The following KCNMA1 variants were observed in gnomAD, a reference collection of about 807,000 sequenced individuals.
KCNMA1 encodes Calcium-activated potassium channel subunit alpha-1.
Under a neutral mutation model 140.0 loss-of-function variants are expected in KCNMA1, and 29 were observed. That is an observed-to-expected ratio of 0.21 (90% CI 0.15 to 0.28). KCNMA1 has a LOEUF of 0.28. Among genes scored for constraint, KCNMA1 ranks in the 10% least tolerant of loss-of-function variants. The probability of loss-of-function intolerance (pLI) is 1.00; values close to 1 mark genes in which losing one functional copy is unlikely to be tolerated. For missense variants in KCNMA1, 880 were observed against 1,602.2 expected (o/e 0.55, Z 7.70); for synonymous variants, 612 against 611.9 (o/e 1.00, Z 0.00).
chr10:77,208,595 G>T (rs1455467772), intron 3 of KCNMA1, among the ~76,000 whole-genome samples: 1 of 152,166 alleles, frequency 6.6e-6, no homozygotes, highest in African/African-American at 2.4e-5. Context: ...TAAACCAAAG[G>T]AGAGATGAAT....
intron 1 of KCNMA1, among the ~76,000 whole-genome samples, chr10:77,473,787 G>A: frequency 6.6e-6 from 1 of 152,128 alleles, no homozygotes; most frequent in East Asian, 1.9e-4. Context: ...GCTCTCTTCT[G>A]GGCCTAAAAA....
intron 15 of KCNMA1, among the ~76,000 whole-genome samples, chr10:77,038,366 T>C (rs11001982): frequency 0.023 from 3,451 of 152,262 alleles, 61 homozygotes; most frequent in South Asian, 0.053. Flanking sequence ...AAATGGCTTT[T>C]CTTCCTCAGC....
rs542195417 is a variant in KCNMA1 at position 77,587,783 on chromosome 10, C to G, written c.378+49482G>C. ...TTATTGATCAACAAGCAAACACTTACTGAGCGCCTATCAGATGCAGGGCCC... is the reference window on the plus strand; with the variant it reads ...TTATTGATCAACAAGCAAACACTTAGTGAGCGCCTATCAGATGCAGGGCCC... On this transcript the variant is annotated intron_variant, in intron 1 of 27. Coordinates refer to ENST00000286628, the MANE Select transcript of KCNMA1 (RefSeq NM_001161352.2). The G allele has an allele frequency of 1.0e-5, 10 of 985,380 alleles. No individual in the cohort carries two copies. In the African/African-American group the frequency reaches 1.6e-4, roughly 15 times the overall value. The allele number at this position is 985,380 out of a possible 1,614,324, so 61.0% of individuals were successfully genotyped here.
chr10:77,418,595 C>T (rs1395485435), intron 1 of KCNMA1, among the ~76,000 whole-genome samples: 1 of 152,146 alleles, frequency 6.6e-6, no homozygotes. Context: ...ATCTCCAGAC[C>T]TCAGTGAGGA....
At position 77,108,183 on chromosome 10, in the gene KCNMA1, A is replaced by G; in HGVS notation, c.1223+298T>C. The G allele has an allele frequency of 1.1e-6, 1 of 948,876 alleles. No homozygotes were observed. The highest frequency in any genetic ancestry group is 1.5e-6 in the Non-Finnish European group (1 of 656,982). 58.8% of individuals were successfully genotyped at this position (948,876 alleles called of 1,614,324 possible). On this transcript the variant is annotated intron_variant, in intron 9 of 27. Transcript: ENST00000286628. This position sits in a 1 kb window ranked among gnomAD's most constrained non-coding sequence, Gnocchi z 4.6. ...ATGCAGAAACTGGGCCTTCCCTCAC[A>G]GAAGCACCCGGTGGGGTTGGGGAGG...
At chr10:77,154,174 C>G (rs1182602695) in intron 5 of KCNMA1, among the ~76,000 whole-genome samples, 1 of 152,038 alleles carries the variant, frequency 6.6e-6, no homozygotes, top group African/African-American at 2.4e-5. Context: ...GTCCTGCCAC[C>G]CTGTGAAGAA....
At chr10:77,195,249 T>G (rs1433308159) in intron 3 of KCNMA1, among the ~76,000 whole-genome samples, 1 of 152,170 alleles carries the variant, frequency 6.6e-6, no homozygotes, top group Non-Finnish European at 1.5e-5. Flanking sequence ...GGAGTTTTGT[T>G]GAGAGCCTAG....
intron 2 of KCNMA1, among the ~76,000 whole-genome samples, chr10:77,366,525 T>C (rs934242635): frequency 1.3e-5 from 2 of 152,208 alleles, no homozygotes; most frequent in Admixed American, 6.5e-5. Context: ...TTATTTTTGT[T>C]ACACCACACA....
chr10:77,266,392 C>A (rs74440280), intron 2 of KCNMA1, among the ~76,000 whole-genome samples: 1,713 of 152,292 alleles, frequency 0.011, 15 homozygotes, highest in South Asian at 0.034. Context: ...CAGGTTCCAC[C>A]CACTGCAAGA....
chr10:77,509,751 T>C (rs1171260448), intron 1 of KCNMA1, among the ~76,000 whole-genome samples: 1 of 152,210 alleles, frequency 6.6e-6, no homozygotes, highest in Admixed American at 6.5e-5. Context: ...GCATGTGGTA[T>C]GTTTATAATA....
intron 3 of KCNMA1, among the ~76,000 whole-genome samples, chr10:77,212,840 G>GA (rs914798776): frequency 7.9e-5 from 12 of 151,758 alleles, no homozygotes; most frequent in African/African-American, 2.9e-4. Context: ...CTTCGTCAGA[G>GA]AAAAAAAATG....
chr10:77,289,154 G>A (rs573903778), intron 2 of KCNMA1, among the ~76,000 whole-genome samples: 13 of 152,278 alleles, frequency 8.5e-5, no homozygotes, highest in Admixed American at 8.5e-4. Context: ...GTCAGATCAA[G>A]ATCACCAAAC....
At chr10:77,446,905 C>T (rs1340788387) in intron 1 of KCNMA1, among the ~76,000 whole-genome samples, 1 of 152,222 alleles carries the variant, frequency 6.6e-6, no homozygotes, top group Non-Finnish European at 1.5e-5. Flanking sequence ...TTTTGCTTAG[C>T]TGGCAAGTTC....
At chr10:77,244,224 A>G (rs2058041825) in intron 3 of KCNMA1, among the ~76,000 whole-genome samples, 1 of 152,184 alleles carries the variant, frequency 6.6e-6, no homozygotes, top group African/African-American at 2.4e-5. Flanking sequence ...GAGGTCCCTC[A>G]TCCTCATTCC....
intron 2 of KCNMA1, among the ~76,000 whole-genome samples, chr10:77,310,773 G>A (rs1015175030): frequency 6.6e-6 from 1 of 152,162 alleles, no homozygotes; most frequent in Admixed American, 6.5e-5. Flanking sequence ...AGTAAGAGGG[G>A]TTAGAATAGG....
At chr10:77,417,389 C>A (rs1199829174) in intron 1 of KCNMA1, among the ~76,000 whole-genome samples, 1 of 152,220 alleles carries the variant, frequency 6.6e-6, no homozygotes, top group Non-Finnish European at 1.5e-5. Flanking sequence ...TAAATTAAAT[C>A]TCTGCTCAGT....
At chr10:76,973,577 ATG>A (rs1320409360) in intron 19 of KCNMA1, among the ~76,000 whole-genome samples, 1 of 152,202 alleles carries the variant, frequency 6.6e-6, no homozygotes, top group East Asian at 1.9e-4. Flanking sequence ...CCTCCAGACA[ATG>A]TTCTGAGAAT....
At chr10:76,969,894 C>T (rs1316164847) in intron 20 of KCNMA1, 80 bp downstream of exon 20, 6 of 1,135,040 alleles carry the variant, frequency 5.3e-6, no homozygotes, top group Non-Finnish European at 8.0e-6. Flanking sequence ...AGACTCTGGG[C>T]CTGGCAGGGT....
chr10:76,969,300 G>GGGAAGGAAGGAA (rs150214377), intron 20 of KCNMA1, among the ~76,000 whole-genome samples: 1,511 of 109,326 alleles, frequency 0.014, 42 homozygotes, highest in South Asian at 0.046. Flanking sequence ...GAAGGAAGGA[G>GGGAAGGAAGGAA]GGAAGGAAGG....
Sources: allele counts gnomAD v4.1 joint callset (sites outside exome capture counted in the v4.1 genomes callset), GRCh38; gene constraint gnomAD v4.1.1; non-coding constraint Gnocchi (gnomAD v3.1); transcripts MANE v1.5; gene names NCBI Gene and HGNC (gene_info 2026-07-23, HGNC 2026-07-21).